The following INPP5F variants were observed in gnomAD, a reference collection of about 807,000 sequenced individuals.
INPP5F encodes the protein phosphatidylinositide 4-phosphatase SAC2.
In INPP5F, 97 loss-of-function variants were observed where a neutral mutation model predicts 137.2. The ratio of observed to expected loss-of-function variants is 0.71; its 90% confidence interval spans 0.60 to 0.84. INPP5F has a LOEUF of 0.84. Among genes scored for constraint, INPP5F ranks in the 40% least tolerant of loss-of-function variants. The probability of loss-of-function intolerance (pLI) is 0.00; values close to 1 mark genes in which losing one functional copy is unlikely to be tolerated. For missense variants in INPP5F, 1,271 were observed against 1,371.9 expected, an observed-to-expected ratio of 0.93 and a Z score of 1.16; for synonymous variants, 504 against 476.9, an observed-to-expected ratio of 1.06 and a Z score of -0.74.
intron 1 of INPP5F, among the ~76,000 whole-genome samples, chr10:119,744,641 T>C (rs1848476057): frequency 6.6e-6 from 1 of 152,134 alleles, no homozygotes; most frequent in South Asian, 2.1e-4. Context: ...AGCCTCAAAT[T>C]CCTGGGCTCA....
chr10:119,732,507 T>C (rs868258296), intron 1 of INPP5F, among the ~76,000 whole-genome samples: 6 of 108,158 alleles, frequency 5.5e-5, no homozygotes, highest in Non-Finnish European at 9.3e-5. Flanking sequence ...TTTCTTTTTT[T>C]TTTTTTTTTT....
At chr10:119,793,000 A>G (rs61867935) in intron 6 of INPP5F, among the ~76,000 whole-genome samples, 7,219 of 152,158 alleles carry the variant, frequency 0.047, 309 homozygotes, top group South Asian at 0.26. Flanking sequence ...ATACCCATCA[A>G]TTGCCTCTAT....
At chr10:119,776,897 T>A (rs1374965787) in intron 2 of INPP5F, among the ~76,000 whole-genome samples, 3 of 152,070 alleles carry the variant, frequency 2.0e-5, no homozygotes, top group Non-Finnish European at 4.4e-5. Flanking sequence ...ACTACAGGCA[T>A]GTACCACCAT....
intron 2 of INPP5F, among the ~76,000 whole-genome samples, chr10:119,751,913 G>A (rs1327460306): frequency 6.6e-6 from 1 of 152,152 alleles, no homozygotes; most frequent in South Asian, 2.1e-4. Flanking sequence ...TTACAGGCAT[G>A]AGCCACCATG....
In INPP5F at chr10:119,806,222, A is replaced by G. The variant is rs913326017; in HGVS notation, c.1320-138A>G. ...AACAATGATGTCTATAAATGACTCAATAATGCATAGCATATAAAGATACAC... is the reference window on the plus strand; with the variant it reads ...AACAATGATGTCTATAAATGACTCAGTAATGCATAGCATATAAAGATACAC... On this transcript the variant is annotated intron_variant, in intron 11 of 19. Transcript: ENST00000650623. 5.7e-6 allele frequency: 3 copies of G among 527,414 alleles called. No homozygotes were observed. In the African/African-American group the frequency reaches 5.7e-5, roughly 10 times the overall value. The allele number at this position is 527,414 out of a possible 1,614,324, so 32.7% of individuals were successfully genotyped here.
intron 1 of INPP5F, among the ~76,000 whole-genome samples, chr10:119,730,245 G>A (rs942654496): frequency 5.9e-5 from 9 of 152,146 alleles, no homozygotes; most frequent in African/African-American, 2.2e-4. Context: ...GAGTAGCTGG[G>A]ATTATAGGAA....
chr10:119,815,960 G>C (rs1250277758), intron 15 of INPP5F: 1 of 152,516 alleles, frequency 6.6e-6, no homozygotes, highest in African/African-American at 2.4e-5. Context: ...CTAGAAACTT[G>C]TTCCTTTGAA....
chr10:119,789,407 A>G (rs983889064), intron 3 of INPP5F, among the ~76,000 whole-genome samples: 6 of 152,178 alleles, frequency 3.9e-5, no homozygotes, highest in African/African-American at 1.4e-4. Context: ...AAGTGCCACA[A>G]GCAAAGTAGT....
At chr10:119,809,405 T>C (rs1043927113) in intron 13 of INPP5F, among the ~76,000 whole-genome samples, 1 of 152,182 alleles carries the variant, frequency 6.6e-6, no homozygotes, top group Non-Finnish European at 1.5e-5. Context: ...ATGTTCTTCC[T>C]AAATTGTCGG....
At chr10:119,779,184 T>C (rs1424536922) in intron 2 of INPP5F, among the ~76,000 whole-genome samples, 1 of 152,120 alleles carries the variant, frequency 6.6e-6, no homozygotes, top group Non-Finnish European at 1.5e-5. Flanking sequence ...ATAGAAATGG[T>C]ACAGTAAAAA....
At chr10:119,807,907 T>C (rs1198523860) in intron 12 of INPP5F, 25 bp from the exon 13 acceptor site, 3 of 1,593,162 alleles carry the variant, frequency 1.9e-6, no homozygotes, top group Non-Finnish European at 2.6e-6. Flanking sequence ...CATATACAGT[T>C]AATCCACCAA....
chr10:119,739,577 A>G (rs903365471), intron 1 of INPP5F, among the ~76,000 whole-genome samples: 4 of 152,232 alleles, frequency 2.6e-5, no homozygotes, highest in Admixed American at 2.6e-4. Flanking sequence ...GTAAATAGCC[A>G]TAGAATTAAA....
At chr10:119,791,757 C>A in intron 4 of INPP5F, 112 bp downstream of exon 4, 1 of 1,304,648 alleles carries the variant, frequency 7.7e-7, no homozygotes, top group Non-Finnish European at 1.1e-6. Context: ...ATTGAAGCAC[C>A]ATCTCCTTAT....
intron 9 of INPP5F, among the ~76,000 whole-genome samples, chr10:119,800,583 C>T (rs1192501363): frequency 6.7e-6 from 1 of 149,866 alleles, no homozygotes; most frequent in Non-Finnish European, 1.5e-5. Flanking sequence ...ACCAAAAAAA[C>T]CTAAAAGTTT....
At chr10:119,813,929 T>C (rs1334758484) in intron 15 of INPP5F, among the ~76,000 whole-genome samples, 2 of 152,236 alleles carry the variant, frequency 1.3e-5, no homozygotes, top group East Asian at 3.9e-4. Context: ...TCAGTTTTCT[T>C]TTCTTCATTA....
At chr10:119,814,093 T>G (rs1306348595) in intron 15 of INPP5F, among the ~76,000 whole-genome samples, 1 of 152,074 alleles carries the variant, frequency 6.6e-6, no homozygotes, top group Admixed American at 6.6e-5. Flanking sequence ...TTCATCTTCT[T>G]TAATTAAAGT....
intron 14 of INPP5F, among the ~76,000 whole-genome samples, chr10:119,811,071 C>T (rs1664411185): frequency 6.6e-6 from 1 of 152,242 alleles, no homozygotes; most frequent in African/African-American, 2.4e-5. Flanking sequence ...AGATATCTTA[C>T]TTCCATTCGT....
At chr10:119,738,662 C>T (rs1402375558) in intron 1 of INPP5F, among the ~76,000 whole-genome samples, 1 of 151,946 alleles carries the variant, frequency 6.6e-6, no homozygotes, top group Non-Finnish European at 1.5e-5. Flanking sequence ...CACACACACA[C>T]ACACACACAC....
rs977774963 is a variant in INPP5F, at chr10:119,751,095, C to T, written c.117C>T (p.Ala39=). The change falls in exon 2 of 20, where the codon GCC becomes GCT. Residue 39 remains alanine, a synonymous_variant. Transcript: ENST00000650623. ...QLRPATDLLL[A]WNPICLGLVE... ...TTTTAGCTACTGATCTACTTCTTGCCTGGAATCCCATTTGTTTGGGGTTGG... is the reference window on the plus strand; with the variant it reads ...TTTTAGCTACTGATCTACTTCTTGCTTGGAATCCCATTTGTTTGGGGTTGG... The T allele has an allele frequency of 3.1e-6, 5 of 1,609,484 alleles. No individual in the cohort carries two copies. In the African/African-American group the frequency reaches 6.7e-5, roughly 22 times the overall value.
Sources: allele counts gnomAD v4.1 joint callset (sites outside exome capture counted in the v4.1 genomes callset), GRCh38; gene constraint gnomAD v4.1.1; transcripts MANE v1.5; gene names NCBI Gene and HGNC (gene_info 2026-07-23, HGNC 2026-07-21).